FSD1L: variants seen among roughly 807,000 people sequenced by gnomAD.
The protein encoded by FSD1L is FSD1-like protein.
FSD1L carries 45 observed loss-of-function variants against 71.6 expected under a neutral mutation model. That is an observed-to-expected ratio of 0.63 (90% confidence interval 0.49 to 0.81). The LOEUF (loss-of-function observed/expected upper bound fraction) is 0.81. Ranked by LOEUF, FSD1L falls within the 30% of genes least tolerant of loss-of-function variation. The pLI is 0.00. For synonymous variants in FSD1L, 197 were observed against 207.2 expected, an observed-to-expected ratio of 0.95 and a Z score of 0.42; for missense variants, 561 against 618.1, an observed-to-expected ratio of 0.91 and a Z score of 0.98.
chr9:105,445,376 T>A (rs958997676), upstream of FSD1L, among the ~76,000 whole-genome samples: 14 of 152,030 alleles, frequency 9.2e-5, no homozygotes, highest in African/African-American at 3.4e-4. Flanking sequence ...GGGAAAGAAC[T>A]TGGGAAGCTG....
At chr9:105,494,195 C>T (rs1306211788) in intron 7 of FSD1L, among the ~76,000 whole-genome samples, 5 of 152,094 alleles carry the variant, frequency 3.3e-5, no homozygotes, top group Admixed American at 2.6e-4. Flanking sequence ...AGGCTTTGTT[C>T]ATTTCTTTTT....
chr9:105,468,105 A>G (rs1831192464), intron 3 of FSD1L, 88 bp from the exon 4 acceptor site: 2 of 876,680 alleles, frequency 2.3e-6, no homozygotes, highest in Non-Finnish European at 3.1e-6. Flanking sequence ...TTGTAATATA[A>G]ATTTATTCTC....
chr9:105,471,383 C>A (rs1023133004), intron 4 of FSD1L, among the ~76,000 whole-genome samples: 3 of 152,022 alleles, frequency 2.0e-5, no homozygotes, highest in Admixed American at 6.6e-5. Flanking sequence ...GTTCTTCTGG[C>A]ATTGTTAGAG....
chr9:105,477,525 A>G (rs4742946), intron 5 of FSD1L, among the ~76,000 whole-genome samples: 41,903 of 152,060 alleles, frequency 0.28, 6,013 homozygotes, highest in Non-Finnish European at 0.31. Context: ...CAGAAAGTCT[A>G]GTTTCTCCTT....
At chr9:105,529,642 A>C (rs1280347829) in intron 10 of FSD1L, among the ~76,000 whole-genome samples, 3 of 152,124 alleles carry the variant, frequency 2.0e-5, no homozygotes, top group Non-Finnish European at 4.4e-5. Flanking sequence ...TAGAGGTGGA[A>C]TAGCATTAGG....
At chr9:105,495,306 G>C (rs535350653) in intron 7 of FSD1L, among the ~76,000 whole-genome samples, 1 of 152,192 alleles carries the variant, frequency 6.6e-6, no homozygotes, top group Admixed American at 6.5e-5. Context: ...CTCGGAGCCA[G>C]GTGCGGGATA....
rs1173836740 is a variant in FSD1L at position 105,551,346 on chromosome 9, A to AT, written c.*4864dup. On this transcript the variant is annotated 3_prime_UTR_variant, in exon 14 of 14. Coordinates refer to ENST00000481272, the MANE Select transcript of FSD1L (RefSeq NM_001145313.3). ...AAATTAATCACCTTAGCTCTACCAT[A>AT]TACTAGATCTGTGACCGCTACACAA... 1 of 152,012 alleles carries AT rather than the reference A, an allele frequency of 6.6e-6. No individual in the cohort carries two copies. The highest frequency in any genetic ancestry group is 1.9e-4 in the East Asian group (1 of 5,190). The allele number at this position is 152,012 out of a possible 1,614,324, so 9.4% of individuals were successfully genotyped here.
intron 10 of FSD1L, among the ~76,000 whole-genome samples, chr9:105,528,540 C>A (rs1312339196): frequency 1.3e-5 from 2 of 152,138 alleles, no homozygotes; most frequent in African/African-American, 4.8e-5. Flanking sequence ...GGAAAAGATT[C>A]CCTATTTAAT....
At chr9:105,526,183 G>A (rs1835495047) in intron 10 of FSD1L, 2 of 1,591,998 alleles carry the variant, frequency 1.3e-6, no homozygotes. Context: ...AGCTATAAAT[G>A]CAAGCCGTGC....
chr9:105,469,618 C>T (rs924332690), intron 4 of FSD1L, among the ~76,000 whole-genome samples: 3 of 150,904 alleles, frequency 2.0e-5, no homozygotes, highest in Non-Finnish European at 4.4e-5. Context: ...AATTGGGTTA[C>T]TTGGGGTTTT....
intron 5 of FSD1L, among the ~76,000 whole-genome samples, 189 bp from the exon 6 acceptor site, chr9:105,479,165 A>G (rs578132111): frequency 6.6e-6 from 1 of 152,366 alleles, no homozygotes; most frequent in South Asian, 2.1e-4. Flanking sequence ...ATTTTCTACT[A>G]TAATTCTAAC....
chr9:105,533,119 G>A (rs1466254240), intron 10 of FSD1L, among the ~76,000 whole-genome samples: 1 of 152,004 alleles, frequency 6.6e-6, no homozygotes. Flanking sequence ...TCTAACTAGT[G>A]GTGAGAATAT....
chr9:105,455,671 A>T (rs1830313910), intron 1 of FSD1L, among the ~76,000 whole-genome samples: 1 of 152,188 alleles, frequency 6.6e-6, no homozygotes. Flanking sequence ...CTGCCAGTTG[A>T]TAGCTGTGTG....
intron 5 of FSD1L, among the ~76,000 whole-genome samples, chr9:105,473,600 G>A (rs1386611366): frequency 6.6e-6 from 1 of 152,236 alleles, no homozygotes; most frequent in Admixed American, 6.5e-5. Context: ...TTAATGACAG[G>A]CATAGTCATA....
At chr9:105,520,587 T>G in intron 10 of FSD1L, 1 of 1,464,524 alleles carries the variant, frequency 6.8e-7, no homozygotes, top group Non-Finnish European at 9.6e-7. Flanking sequence ...TTGGATTGAT[T>G]TAAAGAAGCT....
At chr9:105,445,821 A>G (rs940018316), upstream of FSD1L, among the ~76,000 whole-genome samples, 12 of 152,128 alleles carry the variant, frequency 7.9e-5, no homozygotes, top group African/African-American at 2.9e-4. Flanking sequence ...GGAGTTGGGA[A>G]AGGTTGAATA....
At chr9:105,494,397 T>A (rs1316069035) in intron 7 of FSD1L, among the ~76,000 whole-genome samples, 1 of 152,132 alleles carries the variant, frequency 6.6e-6, no homozygotes, top group Non-Finnish European at 1.5e-5. Context: ...TAGTTATACA[T>A]TCGTCTAAAT....
intron 10 of FSD1L, chr9:105,513,712 A>G: frequency 8.9e-7 from 1 of 1,128,558 alleles, no homozygotes; most frequent in Non-Finnish European, 1.3e-6. Flanking sequence ...TTTATCTTTT[A>G]ACCAATAAGC....
At chr9:105,456,444 T>C (rs899236285) in intron 1 of FSD1L, among the ~76,000 whole-genome samples, 1 of 152,240 alleles carries the variant, frequency 6.6e-6, no homozygotes, top group Non-Finnish European at 1.5e-5. Flanking sequence ...ACCAAAGTGC[T>C]CTTTTGCTCA....
Sources: gnomAD v4.1 joint callset for allele counts (sites outside exome capture counted in the v4.1 genomes callset) on GRCh38, gnomAD v4.1.1 for gene constraint, MANE v1.5 for transcripts, NCBI Gene and HGNC (gene_info 2026-07-23, HGNC 2026-07-21) for gene names.